Variants in HIVEP1 observed in about 807,000 individuals in gnomAD.
HIVEP1 encodes zinc finger protein 40.
HIVEP1 carries 36 observed loss-of-function variants against 180.0 expected under a neutral mutation model. That is an observed-to-expected ratio of 0.20 (90% CI 0.15 to 0.26). The LOEUF is 0.26. Ranked by LOEUF, HIVEP1 falls within the 10% of genes least tolerant of loss-of-function variation. The pLI is 1.00. For synonymous variants in HIVEP1, 1,239 were observed against 1,239.0 expected (o/e 1.00, Z 0.00); for missense variants, 3,143 against 3,268.7 (o/e 0.96, Z 0.94).
chr6:12,131,128 T>C (rs1758394566), intron 6 of HIVEP1, among the ~76,000 whole-genome samples, 186 bp downstream of exon 6: 1 of 151,930 alleles, frequency 6.6e-6, no homozygotes. Flanking sequence ...AAGTTTTTAA[T>C]TGTACACTTT....
chr6:12,198,177 A>T, the HIVEP1 span, among the ~76,000 whole-genome samples: 1 of 152,322 alleles, frequency 6.6e-6, no homozygotes, highest in South Asian at 2.1e-4. Context: ...TAGTCTCTAT[A>T]TGGTCGTTAC....
At chr6:12,196,933 G>A in the HIVEP1 span, among the ~76,000 whole-genome samples, 15 of 152,320 alleles carry the variant, frequency 9.8e-5, 1 homozygote, top group African/African-American at 3.6e-4. Flanking sequence ...CAGAAACTGA[G>A]CTAAGAATGA....
chr6:12,168,601 A>C (rs1302796839), downstream of HIVEP1, among the ~76,000 whole-genome samples: 1 of 151,836 alleles, frequency 6.6e-6, no homozygotes, highest in African/African-American at 2.4e-5. Flanking sequence ...AGTAGAAACC[A>C]TACTCTGAAT....
intron 2 of HIVEP1, among the ~76,000 whole-genome samples, chr6:12,051,222 A>C (rs550487688): frequency 3.1e-3 from 476 of 151,710 alleles, no homozygotes; most frequent in African/African-American, 0.011. Flanking sequence ...TTTTGTCATT[A>C]GTTTATGTCC....
chr6:12,066,935 A>G (rs1771632999), intron 2 of HIVEP1, among the ~76,000 whole-genome samples: 1 of 152,100 alleles, frequency 6.6e-6, no homozygotes, highest in African/African-American at 2.4e-5. Flanking sequence ...CATACAAAAT[A>G]TATGTACTGT....
chr6:12,205,979 C>G, the HIVEP1 span, among the ~76,000 whole-genome samples: 1 of 152,088 alleles, frequency 6.6e-6, no homozygotes, highest in Non-Finnish European at 1.5e-5. Context: ...GTGTCCGCCC[C>G]AAAATTTATG....
At chr6:12,197,393 A>G in the HIVEP1 span, among the ~76,000 whole-genome samples, 2 of 151,950 alleles carry the variant, frequency 1.3e-5, no homozygotes, top group Non-Finnish European at 2.9e-5. Flanking sequence ...CCCCGTCTCT[A>G]CTAAAAACTA....
rs780337605 is a variant in HIVEP1 at position 12,123,972 on chromosome 6, A to G, written c.4177A>G (p.Ile1393Val). ...AAGCAAATCATTCGATTGTGGAAGC[A>G]TCACCCCACCCCAGACAACACCACT... ...LRSKSFDCGSITPPQTTPLTE... is the reference protein window; with the variant it reads ...LRSKSFDCGSVTPPQTTPLTE... The change falls in exon 4 of 9, where the codon ATC (isoleucine) becomes GTC (valine). Residue 1393 changes from isoleucine (I) to valine (V), a missense_variant. Ile to Val is a conservative substitution (Grantham distance 29, BLOSUM62 3). This residue lies in a region of HIVEP1 where 1,357 missense variants were observed against 1,260.5 expected (regional missense o/e 1.08). Coordinates refer to ENST00000379388, the MANE Select transcript of HIVEP1 (RefSeq NM_002114.4). The G allele has an allele frequency of 6.2e-7, 1 of 1,614,154 alleles. No homozygotes were observed. The highest frequency in any genetic ancestry group is 1.1e-5 in the South Asian group (1 of 91,070).
the HIVEP1 span, among the ~76,000 whole-genome samples, chr6:12,176,151 G>T: frequency 6.6e-6 from 1 of 151,560 alleles, no homozygotes; most frequent in Non-Finnish European, 1.5e-5. Context: ...GAGTGACATT[G>T]TTAAGCAGTA....
rs574286108 is a variant in HIVEP1 at position 12,017,552 on chromosome 6, C to G, written c.40+1884C>G. Among the ~76,000 whole-genome samples the G allele has an allele frequency of 1.0e-3, 153 of 152,372 alleles. 1 individual carries two copies. Among genetic ancestry groups the G allele is most frequent in the African/African-American group, 3.6e-3 (148 of 41,594 alleles). ...AAGCAGTTGCAACTGCTGCCTCCGG[C>G]AGCCTGCTTTTATTCTCCCGTCTGG... On this transcript the variant is annotated intron_variant, in intron 2 of 8. Transcript: ENST00000379388.
At chr6:12,026,984 C>T (rs1768626838) in intron 2 of HIVEP1, among the ~76,000 whole-genome samples, 1 of 152,102 alleles carries the variant, frequency 6.6e-6, no homozygotes, top group Non-Finnish European at 1.5e-5. Context: ...TGACTAAATC[C>T]AATCCTCCAC....
chr6:12,108,441 C>T (rs571748190), intron 3 of HIVEP1, among the ~76,000 whole-genome samples: 24 of 152,306 alleles, frequency 1.6e-4, no homozygotes, highest in Middle Eastern at 3.4e-3. Context: ...GAGCAGGGGG[C>T]GGCGCTCATC....
chr6:12,189,574 C>T, the HIVEP1 span, among the ~76,000 whole-genome samples: 2 of 152,120 alleles, frequency 1.3e-5, no homozygotes, highest in African/African-American at 2.4e-5. Context: ...AATTTCTGTA[C>T]AGTATCCATT....
intron 2 of HIVEP1, among the ~76,000 whole-genome samples, chr6:12,081,698 T>C (rs932950229): frequency 3.3e-5 from 5 of 152,164 alleles, no homozygotes; most frequent in Admixed American, 6.6e-5. Context: ...TATGAACATC[T>C]TGGAAGAACA....
chr6:12,165,838 C>T (rs1249797144), downstream of HIVEP1, among the ~76,000 whole-genome samples: 2 of 152,128 alleles, frequency 1.3e-5, no homozygotes, highest in African/African-American at 4.8e-5. Flanking sequence ...GGTTTGGAGA[C>T]CTGCTGCTAG....
At chr6:12,140,762 G>T (rs1181418681) in intron 7 of HIVEP1, among the ~76,000 whole-genome samples, 1 of 152,078 alleles carries the variant, frequency 6.6e-6, no homozygotes, top group African/African-American at 2.4e-5. Flanking sequence ...TGGAAGAAAG[G>T]GTATCAGTGA....
the HIVEP1 span, among the ~76,000 whole-genome samples, chr6:12,202,338 C>T: frequency 6.6e-6 from 1 of 151,850 alleles, no homozygotes; most frequent in African/African-American, 2.4e-5. Context: ...GGGGTTTCAC[C>T]TTGTTGCTTA....
At chr6:12,061,611 T>A (rs1227527950) in intron 2 of HIVEP1, among the ~76,000 whole-genome samples, 81 of 152,350 alleles carry the variant, frequency 5.3e-4, no homozygotes, top group African/African-American at 1.9e-3. Flanking sequence ...TTGAGAATTT[T>A]GATCATTGTT....
At chr6:12,071,221 A>G (rs1199066869) in intron 2 of HIVEP1, among the ~76,000 whole-genome samples, 1 of 152,138 alleles carries the variant, frequency 6.6e-6, no homozygotes, top group Non-Finnish European at 1.5e-5. Flanking sequence ...GATTCCAGAC[A>G]CTTCCCTCGG....
Sources: allele counts gnomAD v4.1 joint callset (sites outside exome capture counted in the v4.1 genomes callset), GRCh38; gene constraint gnomAD v4.1.1; regional missense constraint gnomAD v4.1.1; transcripts MANE v1.5; gene names NCBI Gene and HGNC (gene_info 2026-07-23, HGNC 2026-07-21).